The following PRMT8 variants were observed in gnomAD, a reference collection of about 807,000 sequenced individuals.
PRMT8 encodes protein arginine N-methyltransferase 8.
In PRMT8, 7 loss-of-function variants were observed where a neutral mutation model predicts 47.1. That is an observed-to-expected ratio of 0.15 (90% CI 0.08 to 0.28). The LOEUF is 0.28. PRMT8 is among the 10% of genes least tolerant of loss of function. The probability of loss-of-function intolerance (pLI) is 1.00; values close to 1 mark genes in which losing one functional copy is unlikely to be tolerated. For missense variants in PRMT8, 237 were observed against 505.4 expected (o/e 0.47, Z 5.09); for synonymous variants, 188 against 186.5 (o/e 1.01, Z -0.07).
Position 3,429,483 on chromosome 12 carries a change from A to C in PRMT8, c.48+48041A>C, listed in dbSNP as rs950037257. Among the ~76,000 whole-genome samples the C allele has an allele frequency of 5.9e-5, 9 of 152,338 alleles. 1 individual carries two copies. Among genetic ancestry groups the C allele is most frequent in the Middle Eastern group, 3.4e-3 (1 of 292 alleles). On this transcript the variant is annotated intron_variant, in intron 1 of 9. Transcript: ENST00000452611. ...CCACACGCACACCACAAAACAAAGA[A>C]CAGGTAAAAAGGGCACACACACACT...
chr12:3,414,770 A>G (rs1864467721), intron 1 of PRMT8, among the ~76,000 whole-genome samples: 1 of 152,020 alleles, frequency 6.6e-6, no homozygotes, highest in Non-Finnish European at 1.5e-5. Context: ...CTTTTCCTGA[A>G]GCTGCACCAT....
At chr12:3,452,559 C>G (rs1864931188) in intron 1 of PRMT8, among the ~76,000 whole-genome samples, 1 of 152,220 alleles carries the variant, frequency 6.6e-6, no homozygotes, top group Admixed American at 6.5e-5. Context: ...TAGGTGGCCT[C>G]TTTTGGTCCC....
At chr12:3,432,516 G>A (rs1468706985) in intron 1 of PRMT8, among the ~76,000 whole-genome samples, 1 of 152,182 alleles carries the variant, frequency 6.6e-6, no homozygotes, top group East Asian at 1.9e-4. Context: ...CCAAGGCAGT[G>A]GGCAGTACCT....
At chr12:3,403,828 G>T (rs544284691) in intron 1 of PRMT8, among the ~76,000 whole-genome samples, 1 of 121,456 alleles carries the variant, frequency 8.2e-6, no homozygotes, top group East Asian at 2.6e-4. Flanking sequence ...AGTGAGCCAA[G>T]ATCATGCCAC....
Position 3,569,418 on chromosome 12 carries a change from G to A in PRMT8, c.625-59G>A, listed in dbSNP as rs923137973. On this transcript the variant is annotated intron_variant, in intron 5 of 9. Coordinates refer to ENST00000382622, the MANE Select transcript of PRMT8 (RefSeq NM_019854.5). This position sits in a 1 kb window ranked among gnomAD's most constrained non-coding sequence, Gnocchi z 8.2. ...GGTGACTCTATGTGCAGTTCAAAAT[G>A]TGATGTCTTTGTCAGGTGAATAGAT... 1 of 1,406,260 alleles carries A rather than the reference G, an allele frequency of 7.1e-7. No homozygotes were observed. Among genetic ancestry groups the A allele is most frequent in the Non-Finnish European group, 1.0e-6 (1 of 990,412 alleles). The allele number at this position is 1,406,260 out of a possible 1,614,324, so 87.1% of individuals were successfully genotyped here. A position where few individuals can be genotyped will look rare whatever the true frequency, so the allele number is the denominator to read the frequency against.
Position 3,572,735 on chromosome 12 carries a change from CT to C in PRMT8, c.712+3172del, listed in dbSNP as rs1387441678. Among the ~76,000 whole-genome samples the C allele has an allele frequency of 6.6e-6, 1 of 152,216 alleles. No individual in the cohort carries two copies. Among genetic ancestry groups the C allele is most frequent in the African/African-American group, 2.4e-5 (1 of 41,444 alleles). ...ACAGAGGAGAATCTGTAAGTAGCAT[CT>C]GGTGGCACTTGTTCTATTTTTCTCT... is the stretch of plus-strand genomic sequence containing the variant. On this transcript the variant is annotated intron_variant, in intron 6 of 9. Transcript: ENST00000382622. The surrounding 1 kb of genome is among the most constrained non-coding windows in gnomAD (Gnocchi z 5.9).
At chr12:3,430,265 A>G (rs909542342) in intron 1 of PRMT8, among the ~76,000 whole-genome samples, 1 of 152,200 alleles carries the variant, frequency 6.6e-6, no homozygotes, top group African/African-American at 2.4e-5. Flanking sequence ...TCTGCAATCT[A>G]TAGATAACAC....
At chr12:3,429,565 C>G (rs1176354150) in intron 1 of PRMT8, among the ~76,000 whole-genome samples, 1 of 152,188 alleles carries the variant, frequency 6.6e-6, no homozygotes, top group Admixed American at 6.5e-5. Flanking sequence ...AAATCCAAGC[C>G]AGGTCAAAAC....
chr12:3,557,151 G>A lies in PRMT8; in HGVS notation c.481+3437G>A, dbSNP rs1034191083. ...ATAGGCTGGGGGAGTGAGGATTGCT[G>A]CGATGTGTCTGATGCCTGTAGAGAT... is the stretch of plus-strand genomic sequence containing the variant. On this transcript the variant is annotated intron_variant, in intron 4 of 9. Coordinates refer to ENST00000382622, the MANE Select transcript of PRMT8 (RefSeq NM_019854.5). This position sits in a 1 kb window ranked among gnomAD's most constrained non-coding sequence, Gnocchi z 4.7. 2.0e-5 allele frequency among the ~76,000 whole-genome samples: 3 copies of A among 152,192 alleles called. No homozygotes were observed. The highest frequency in any genetic ancestry group is 6.5e-5 in the Admixed American group (1 of 15,280).
At chr12:3,548,765 C>T (rs1866368768) in intron 2 of PRMT8, among the ~76,000 whole-genome samples, 1 of 152,128 alleles carries the variant, frequency 6.6e-6, no homozygotes, top group East Asian at 1.9e-4. Context: ...CTGGAAAACT[C>T]TTTGGCAATT....
At chr12:3,491,160 T>C, upstream of PRMT8, 1 of 986,390 alleles carries the variant, frequency 1.0e-6, no homozygotes, top group African/African-American at 1.7e-5. Flanking sequence ...CCGCCCCCAC[T>C]CACCCGGCTC....
At position 3,550,458 on chromosome 12, in the gene PRMT8, C is replaced by T; in HGVS notation, c.417+367C>T. 8.5e-6 allele frequency: 2 copies of T among 235,284 alleles called. No individual in the cohort carries two copies. Among genetic ancestry groups the T allele is most frequent in the South Asian group, 8.6e-5 (1 of 11,600 alleles). The allele number at this position is 235,284 out of a possible 1,614,324, so 14.6% of individuals were successfully genotyped here. On this transcript the variant is annotated intron_variant, in intron 3 of 9. Coordinates refer to ENST00000382622, the MANE Select transcript of PRMT8 (RefSeq NM_019854.5). The surrounding 1 kb of genome is among the most constrained non-coding windows in gnomAD (Gnocchi z 5.1). Reference sequence around the variant, plus strand: ...GCATTTCCATTCACTAGGCATGTGACCTTGGACTATTCACTTCCCTGCACC... The same window carrying T: ...GCATTTCCATTCACTAGGCATGTGATCTTGGACTATTCACTTCCCTGCACC...
chr12:3,560,355 C>T (rs566224622), intron 4 of PRMT8, among the ~76,000 whole-genome samples: 3 of 152,382 alleles, frequency 2.0e-5, no homozygotes, highest in Non-Finnish European at 2.9e-5. Context: ...CTCCGTACAG[C>T]TCCCGTGATG....
At chr12:3,481,614 G>C (rs188444584) in intron 1 of PRMT8, among the ~76,000 whole-genome samples, 1 of 152,242 alleles carries the variant, frequency 6.6e-6, no homozygotes, top group African/African-American at 2.4e-5. Flanking sequence ...GCAACAGCAG[G>C]GCTTCTGAAA....
At chr12:3,591,669 C>T (rs1867309093) in intron 8 of PRMT8, among the ~76,000 whole-genome samples, 1 of 152,096 alleles carries the variant, frequency 6.6e-6, no homozygotes, top group Non-Finnish European at 1.5e-5. Flanking sequence ...GCTGAGGTTA[C>T]AGCTATGAGC....
At chr12:3,553,984 C>A (rs17769699) in intron 4 of PRMT8, among the ~76,000 whole-genome samples, 1 of 152,168 alleles carries the variant, frequency 6.6e-6, no homozygotes, top group Non-Finnish European at 1.5e-5. Context: ...TTGCTTGTCC[C>A]CAGCTGTGGG....
chr12:3,489,441 T>C (rs181946351), upstream of PRMT8, among the ~76,000 whole-genome samples: 1 of 151,902 alleles, frequency 6.6e-6, no homozygotes, highest in Non-Finnish European at 1.5e-5. Flanking sequence ...GCAAATGTCC[T>C]CCTCTCTCCA....
intron 1 of PRMT8, among the ~76,000 whole-genome samples, chr12:3,390,119 A>G (rs960112484): frequency 1.3e-5 from 2 of 152,374 alleles, no homozygotes; most frequent in East Asian, 3.9e-4. Context: ...CCAGGACGCA[A>G]TTGCCCTAGG....
intron 7 of PRMT8, among the ~76,000 whole-genome samples, chr12:3,577,421 G>A (rs140826967): frequency 2.6e-5 from 4 of 152,222 alleles, no homozygotes; most frequent in Non-Finnish European, 5.9e-5. Flanking sequence ...CTTTGCCCCA[G>A]CGGCCTGCCA....
Sources: allele counts gnomAD v4.1 joint callset (sites outside exome capture counted in the v4.1 genomes callset), GRCh38; gene constraint gnomAD v4.1.1; non-coding constraint Gnocchi (gnomAD v3.1); transcripts MANE v1.5; gene names NCBI Gene and HGNC (gene_info 2026-07-23, HGNC 2026-07-21).